The following KLHL8 variants were observed in gnomAD, a reference collection of about 807,000 sequenced individuals.
KLHL8 encodes the protein kelch-like protein 8.
A neutral mutation model predicts 63.5 loss-of-function variants in KLHL8; 38 were observed. The ratio of observed to expected loss-of-function variants is 0.60; its 90% CI spans 0.46 to 0.78. KLHL8 has a LOEUF of 0.78. Among genes scored for constraint, KLHL8 ranks in the 30% least tolerant of loss-of-function variants. The pLI, the probability that KLHL8 is intolerant of heterozygous loss-of-function variation, is 0.00. For synonymous variants in KLHL8, 224 were observed against 254.3 expected (o/e 0.88, Z 1.13); for missense variants, 566 against 752.4 (o/e 0.75, Z 2.90).
chr4:87,185,663 A>G lies in KLHL8; in HGVS notation c.353T>C (p.Ile118Thr). Residue 118 changes from isoleucine to threonine, a missense_variant, in exon 3 of 10, where the codon ATA becomes ACA. Coordinates refer to ENST00000273963, the MANE Select transcript of KLHL8 (RefSeq NM_020803.5). The stretch of plus-strand genomic sequence containing the variant: ...ATAGACAAACTTTACCAAGTCTTCT[A>G]TTGCATCACCATCAAAATCTCTAAT... ...IEIRDFDGDA[I>T]EDLVKFVYSS... 8 of 1,614,186 alleles carry G rather than the reference A, an allele frequency of 5.0e-6. No individual in the cohort carries two copies. The highest frequency in any genetic ancestry group is 6.8e-6 in the Non-Finnish European group (8 of 1,180,028).
At chr4:87,181,471 G>A (rs1030223572) in intron 4 of KLHL8, among the ~76,000 whole-genome samples, 1 of 151,870 alleles carries the variant, frequency 6.6e-6, no homozygotes, top group African/African-American at 2.4e-5. Context: ...CAAAATTACA[G>A]ATGTTCAATG....
intron 4 of KLHL8, among the ~76,000 whole-genome samples, chr4:87,180,264 G>C (rs1731000294): frequency 6.6e-6 from 1 of 152,190 alleles, no homozygotes; most frequent in African/African-American, 2.4e-5. Flanking sequence ...GGTAGGTTAA[G>C]ACTGTGTATT....
intron 2 of KLHL8, among the ~76,000 whole-genome samples, chr4:87,194,171 G>T (rs1238630478): frequency 1.3e-5 from 2 of 152,188 alleles, no homozygotes; most frequent in Admixed American, 1.3e-4. Flanking sequence ...CTGTGCTCAT[G>T]AATGGATTAG....
intron 2 of KLHL8, among the ~76,000 whole-genome samples, chr4:87,189,187 G>C (rs946585814): frequency 6.6e-6 from 1 of 152,194 alleles, no homozygotes; most frequent in African/African-American, 2.4e-5. Context: ...AACACAGGTT[G>C]AACAACTGGT....
At chr4:87,225,513 G>T (rs1328069434), upstream of KLHL8, among the ~76,000 whole-genome samples, 2 of 152,140 alleles carry the variant, frequency 1.3e-5, no homozygotes, top group Non-Finnish European at 2.9e-5. Flanking sequence ...TTAGGGTTTG[G>T]GGCCATAAGG....
intron 1 of KLHL8, chr4:87,207,692 T>A: frequency 1.1e-6 from 1 of 949,360 alleles, no homozygotes; most frequent in Non-Finnish European, 1.7e-6. Context: ...TGCAGGGCTC[T>A]CCAGAACATC....
intron 2 of KLHL8, among the ~76,000 whole-genome samples, chr4:87,186,927 T>A (rs554082916): frequency 4.1e-4 from 63 of 152,212 alleles, no homozygotes; most frequent in African/African-American, 1.3e-3. Flanking sequence ...GGTTTTTTTT[T>A]ATTTTCTATT....
chr4:87,203,749 GGGTCAGGCTACTA>G (rs1318801602), intron 1 of KLHL8, among the ~76,000 whole-genome samples: 1 of 151,082 alleles, frequency 6.6e-6, no homozygotes, highest in East Asian at 1.9e-4. Flanking sequence ...TCATGACTCG[GGGTCAGGCTACTA>G]GTTGTTAAAT....
At chr4:87,189,906 C>T (rs536431992) in intron 2 of KLHL8, among the ~76,000 whole-genome samples, 48 of 151,570 alleles carry the variant, frequency 3.2e-4, no homozygotes, top group African/African-American at 8.0e-4. Context: ...TGGTGGCACG[C>T]GCCTGTAGTC....
rs1456212586 is a variant in KLHL8, at chr4:87,162,906, GCTT to G, written c.*610_*612del. 1 of 152,000 alleles carries G rather than the reference GCTT, an allele frequency of 6.6e-6. No individual in the cohort carries two copies. Among genetic ancestry groups the G allele is most frequent in the African/African-American group, 2.4e-5 (1 of 41,384 alleles). 9.4% of individuals were successfully genotyped at this position (152,000 alleles called of 1,614,324 possible). A position where few individuals can be genotyped will look rare whatever the true frequency, so the allele number is the denominator to read the frequency against. On this transcript the variant is annotated 3_prime_UTR_variant, in exon 10 of 10. Coordinates refer to ENST00000273963, the MANE Select transcript of KLHL8 (RefSeq NM_020803.5). ...CTAGCAATTCAAACTGAAATTAAAGGCTTCTTATAGCCTATAAGCTTCTGAAAA... is the reference window on the plus strand; with the variant it reads ...CTAGCAATTCAAACTGAAATTAAAGGCTTATAGCCTATAAGCTTCTGAAAA...
chr4:87,161,385 G>A lies in KLHL8; in HGVS notation c.*2134C>T, dbSNP rs1375612853. ...CTGCTGTCAGGTCCTTCAAGGCTAT[G>A]CTTCTGATTGCCCACACACTTTACT... On this transcript the variant is annotated 3_prime_UTR_variant, in exon 10 of 10. Transcript: ENST00000273963. 6.6e-6 allele frequency: 1 copy of A among 152,094 alleles called. No individual in the cohort carries two copies. Among genetic ancestry groups the A allele is most frequent in the African/African-American group, 2.4e-5 (1 of 41,412 alleles). The allele number at this position is 152,094 out of a possible 1,614,324, so 9.4% of individuals were successfully genotyped here.
At chr4:87,168,711 T>C (rs928176492) in intron 8 of KLHL8, among the ~76,000 whole-genome samples, 1 of 143,932 alleles carries the variant, frequency 6.9e-6, no homozygotes, top group African/African-American at 2.5e-5. Flanking sequence ...TATATATGTG[T>C]ATATATATAC....
At chr4:87,225,848 T>C (rs1265942599) in intron 1 of KLHL8, among the ~76,000 whole-genome samples, 1 of 152,200 alleles carries the variant, frequency 6.6e-6, no homozygotes, top group Non-Finnish European at 1.5e-5. Context: ...GCGGGTGTTG[T>C]TGTTTTTTTG....
At chr4:87,216,053 G>A (rs1211351867) in intron 1 of KLHL8, among the ~76,000 whole-genome samples, 1 of 152,058 alleles carries the variant, frequency 6.6e-6, no homozygotes, top group Non-Finnish European at 1.5e-5. Flanking sequence ...GAATAAACAA[G>A]CCAAATTATC....
chr4:87,214,623 A>C (rs1425823860), intron 1 of KLHL8, among the ~76,000 whole-genome samples: 1 of 151,826 alleles, frequency 6.6e-6, no homozygotes, highest in Non-Finnish European at 1.5e-5. Flanking sequence ...TCGAGGATTC[A>C]ATAGAGACTT....
chr4:87,188,994 TTAAC>T (rs1280828913), intron 2 of KLHL8, among the ~76,000 whole-genome samples: 1 of 152,172 alleles, frequency 6.6e-6, no homozygotes, highest in African/African-American at 2.4e-5. Context: ...TTAACGGAGT[TTAAC>T]TGAGCAAAGA....
chr4:87,221,175 A>G (rs1166809708), upstream of KLHL8: 1 of 152,272 alleles, frequency 6.6e-6, no homozygotes, highest in African/African-American at 2.4e-5. Flanking sequence ...AGGCGGGCGC[A>G]TCACGAGGTC....
chr4:87,196,493 C>A (rs1731706142), intron 1 of KLHL8, among the ~76,000 whole-genome samples: 3 of 152,048 alleles, frequency 2.0e-5, no homozygotes, highest in African/African-American at 4.8e-5. Context: ...CCTGCTTAGA[C>A]CTCGATCTCT....
chr4:87,199,825 TCAAAACAAAA>T (rs966202760), intron 1 of KLHL8, among the ~76,000 whole-genome samples: 19 of 151,112 alleles, frequency 1.3e-4, no homozygotes, highest in Non-Finnish European at 2.7e-4. Context: ...AGCACCTGTC[TCAAAACAAAA>T]CAAAACAAAC....
Sources: gnomAD v4.1 joint callset for allele counts (sites outside exome capture counted in the v4.1 genomes callset) on GRCh38, gnomAD v4.1.1 for gene constraint, MANE v1.5 for transcripts, NCBI Gene and HGNC (gene_info 2026-07-23, HGNC 2026-07-21) for gene names.